Variants in CLOCK observed in about 807,000 individuals in gnomAD.
CLOCK encodes the protein clock circadian regulator.
A neutral mutation model predicts 118.4 loss-of-function variants in CLOCK; 43 were observed. That is an observed-to-expected ratio of 0.36 (90% CI 0.28 to 0.47). The LOEUF is 0.47. Ranked by LOEUF, CLOCK falls within the 20% of genes least tolerant of loss-of-function variation. The probability of loss-of-function intolerance (pLI) is 1.00; values close to 1 mark genes in which losing one functional copy is unlikely to be tolerated. For synonymous variants in CLOCK, 326 were observed against 339.2 expected, an observed-to-expected ratio of 0.96 and a Z score of 0.43; for missense variants, 846 against 999.9, an observed-to-expected ratio of 0.85 and a Z score of 2.08.
chr4:55,473,041 T>C (rs1192809440), intron 7 of CLOCK, among the ~76,000 whole-genome samples: 1 of 152,098 alleles, frequency 6.6e-6, no homozygotes, highest in Non-Finnish European at 1.5e-5. Flanking sequence ...CTGACCAACA[T>C]GGTGAAAGCT....
chr4:55,462,347 T>C (rs1361994804), intron 9 of CLOCK, among the ~76,000 whole-genome samples: 1 of 152,154 alleles, frequency 6.6e-6, no homozygotes, highest in Non-Finnish European at 1.5e-5. Context: ...AATGCAGTGG[T>C]GTGATCTTGA....
At position 55,428,676 on chromosome 4, in the gene CLOCK, G is replaced by A; in HGVS notation, c.*6739C>T. On this transcript the variant is annotated 3_prime_UTR_variant, in exon 23 of 23. Coordinates refer to ENST00000513440, the MANE Select transcript of CLOCK (RefSeq NM_004898.4). ...AACCAAGAACCAAGCAGTAAGGACAGCAATGTCAAGAATATCACATTGAGA... is the reference window on the plus strand; with the variant it reads ...AACCAAGAACCAAGCAGTAAGGACAACAATGTCAAGAATATCACATTGAGA... 6.6e-6 allele frequency: 1 copy of A among 152,092 alleles called. No individual in the cohort carries two copies. The highest frequency in any genetic ancestry group is 1.5e-5 in the Non-Finnish European group (1 of 68,018). 9.4% of individuals were successfully genotyped at this position (152,092 alleles called of 1,614,324 possible).
intron 8 of CLOCK, among the ~76,000 whole-genome samples, chr4:55,467,111 T>G (rs1188143507): frequency 2.6e-5 from 4 of 152,184 alleles, no homozygotes; most frequent in African/African-American, 9.7e-5. Context: ...TAAAAATATT[T>G]TTTAAAATGT....
At chr4:55,460,466 A>G (rs976676247) in intron 9 of CLOCK, among the ~76,000 whole-genome samples, 1 of 152,148 alleles carries the variant, frequency 6.6e-6, no homozygotes, top group Non-Finnish European at 1.5e-5. Context: ...ATGTATGCTT[A>G]TTTCCCAAGT....
intron 1 of CLOCK, chr4:55,540,799 T>C (rs765868852): frequency 1.3e-5 from 2 of 152,176 alleles, no homozygotes; most frequent in Non-Finnish European, 2.9e-5. Context: ...TGGGGATCAA[T>C]GGGGTAACAT....
At chr4:55,503,226 G>A (rs1728551706) in intron 2 of CLOCK, among the ~76,000 whole-genome samples, 1 of 152,148 alleles carries the variant, frequency 6.6e-6, no homozygotes, top group Non-Finnish European at 1.5e-5. Flanking sequence ...CTTCATAACA[G>A]CCAATACTAG....
intron 16 of CLOCK, 42 bp downstream of exon 16, chr4:55,450,049 A>T: frequency 6.2e-7 from 1 of 1,609,364 alleles, no homozygotes; most frequent in Non-Finnish European, 8.5e-7. Flanking sequence ...AAGTTTAGTT[A>T]GTTACTTTAA....
intron 1 of CLOCK, among the ~76,000 whole-genome samples, chr4:55,542,359 TA>T (rs1348123889): frequency 3.4e-5 from 2 of 59,228 alleles, no homozygotes; most frequent in Non-Finnish European, 6.1e-5. Context: ...ATAATAATAA[TA>T]ATAATAATAA....
rs1577713418 is a variant in CLOCK at position 55,455,909 on chromosome 4, A to G, written c.970T>C (p.Cys324Arg). The G allele has an allele frequency of 2.5e-6, 4 of 1,613,232 alleles. No individual in the cohort carries two copies. In the East Asian group the frequency reaches 6.7e-5, roughly 27 times the overall value. ...AAAATCTACTTACAGTGCTCATGAC[A>G]TTTTGCCAAATTTTCTAGGTCATCC... is the stretch of plus-strand genomic sequence containing the variant. Reference protein sequence around the residue: ...HVDDLENLAKCHEHLMQYGKG... With the variant: ...HVDDLENLAKRHEHLMQYGKG... Residue 324 changes from cysteine (C) to arginine (R), a missense_variant, in exon 13 of 23, where the codon TGT (cysteine) becomes CGT (arginine). Coordinates refer to ENST00000513440, the MANE Select transcript of CLOCK (RefSeq NM_004898.4).
intron 21 of CLOCK, among the ~76,000 whole-genome samples, chr4:55,440,966 AAAAAC>A (rs751491580): frequency 5.3e-5 from 8 of 151,806 alleles, no homozygotes; most frequent in Admixed American, 6.6e-5. Context: ...AACTGCTTAC[AAAAAC>A]AAAACAAAAC....
At chr4:55,533,379 C>T (rs1730678469) in intron 1 of CLOCK, among the ~76,000 whole-genome samples, 1 of 152,132 alleles carries the variant, frequency 6.6e-6, no homozygotes, top group South Asian at 2.1e-4. Context: ...AAAACAGTCT[C>T]TACAACAAAC....
intron 1 of CLOCK, among the ~76,000 whole-genome samples, chr4:55,537,625 AT>A (rs1289780573): frequency 6.6e-6 from 1 of 151,734 alleles, no homozygotes; most frequent in African/African-American, 2.4e-5. Flanking sequence ...TCTCAAAAAA[AT>A]AAAAATAAAA....
chr4:55,453,708 C>G lies in CLOCK; in HGVS notation c.1099G>C (p.Glu367Gln). 1 of 1,611,014 alleles carries G rather than the reference C, an allele frequency of 6.2e-7. No individual in the cohort carries two copies. Among genetic ancestry groups the G allele is most frequent in the Non-Finnish European group, 8.5e-7 (1 of 1,177,980 alleles). The change falls in exon 14 of 23, where the codon GAG becomes CAG. Residue 367 changes from glutamate to glutamine, a missense_variant. Transcript: ENST00000513440. ...ITYHQWNSRP[E>Q]FIVCTHTVVS... is the part of the protein sequence containing the mutation. ...ACAGTGTGAGTACAAACAATAAACT[C>G]TGGCCTTGAATTCCACTGATGGTAA... is the stretch of plus-strand genomic sequence containing the variant.
intron 2 of CLOCK, among the ~76,000 whole-genome samples, chr4:55,495,157 C>G (rs1388469526): frequency 6.6e-6 from 1 of 152,098 alleles, no homozygotes; most frequent in Non-Finnish European, 1.5e-5. Flanking sequence ...CATCCCCCAT[C>G]CCTATATACT....
At chr4:55,463,259 C>G (rs555174514) in intron 9 of CLOCK, among the ~76,000 whole-genome samples, 1 of 151,920 alleles carries the variant, frequency 6.6e-6, no homozygotes, top group African/African-American at 2.4e-5. Flanking sequence ...GATAATTTAT[C>G]TTTATATTTA....
At chr4:55,536,012 A>G (rs1429401528) in intron 1 of CLOCK, among the ~76,000 whole-genome samples, 1 of 152,124 alleles carries the variant, frequency 6.6e-6, no homozygotes, top group Non-Finnish European at 1.5e-5. Context: ...CAGGGCTGGA[A>G]TAACAACACT....
At chr4:55,499,113 C>T (rs1728269821) in intron 2 of CLOCK, among the ~76,000 whole-genome samples, 1 of 152,160 alleles carries the variant, frequency 6.6e-6, no homozygotes. Flanking sequence ...ACCTCATGAA[C>T]ATGAGTACTT....
At chr4:55,485,050 G>A (rs1432473859) in intron 3 of CLOCK, among the ~76,000 whole-genome samples, 5 of 151,866 alleles carry the variant, frequency 3.3e-5, no homozygotes, top group Admixed American at 6.6e-5. Flanking sequence ...TGCAACCTCC[G>A]CCTCCCAGGT....
At position 55,507,513 on chromosome 4, in the gene CLOCK, T is replaced by C. The variant is rs145922373; in HGVS notation, c.-136+2399A>G. 2.4e-3 allele frequency among the ~76,000 whole-genome samples: 365 copies of C among 152,024 alleles called. 4 individuals are homozygous for C. Among genetic ancestry groups the C allele is most frequent in the African/African-American group, 8.3e-3 (345 of 41,438 alleles). On this transcript the variant is annotated intron_variant, in intron 2 of 22. Transcript: ENST00000513440. ...TTGTAGTCCCAGCTACTCAGAAGGTTGAGGCACGAGAATCACTTGAACCCA... is the reference window on the plus strand; with the variant it reads ...TTGTAGTCCCAGCTACTCAGAAGGTCGAGGCACGAGAATCACTTGAACCCA...
Sources: gnomAD v4.1 joint callset for allele counts (sites outside exome capture counted in the v4.1 genomes callset) on GRCh38, gnomAD v4.1.1 for gene constraint, MANE v1.5 for transcripts, NCBI Gene and HGNC (gene_info 2026-07-23, HGNC 2026-07-21) for gene names.